Variants in TUBGCP3 observed in about 807,000 individuals in gnomAD.
TUBGCP3 encodes gamma-tubulin complex component 3.
TUBGCP3 carries 50 observed loss-of-function variants against 123.1 expected under a neutral mutation model. The observed-to-expected ratio is 0.41, with a 90% CI of 0.32 to 0.51. TUBGCP3 has a LOEUF of 0.51. Ranked by LOEUF, TUBGCP3 falls within the 20% of genes least tolerant of loss-of-function variation. The pLI is 0.36. For missense variants in TUBGCP3, 882 were observed against 1,127.0 expected (o/e 0.78, Z 3.11); for synonymous variants, 405 against 413.9 (o/e 0.98, Z 0.26).
At chr13:112,522,531 A>G (rs755197064) in intron 13 of TUBGCP3, 22 bp from the exon 14 acceptor site, 4 of 1,599,360 alleles carry the variant, frequency 2.5e-6, no homozygotes, top group Non-Finnish European at 3.4e-6. Flanking sequence ...AACAGGGAAG[A>G]GCACACATGC....
At chr13:112,547,386 C>A in intron 10 of TUBGCP3, 1 of 605,734 alleles carries the variant, frequency 1.7e-6, no homozygotes, top group Admixed American at 4.3e-5. Flanking sequence ...TCTTGGCTCC[C>A]ATCTGTCGAT....
At position 112,559,336 on chromosome 13, in the gene TUBGCP3, T is replaced by C. The variant is rs754594901; in HGVS notation, c.316A>G (p.Arg106Gly). The change falls in exon 4 of 22, where the codon AGG becomes GGG. Residue 106 changes from arginine to glycine, a missense_variant. By Grantham distance (125) the Arg-to-Gly change is moderately radical. Around this residue, in one of 3 missense-constraint regions of TUBGCP3, gnomAD observed 713 missense variants for 874.0 expected, o/e 0.82. Transcript: ENST00000261965. ...LLLSLSEDPR[R>G]QPSKVSSYAT... ...AAGCCACTTACCTTGCTTGGCTGCC[T>C]GCGTGGGTCCTCACTGAGGCTCAGC... 75 of 1,612,012 alleles carry C rather than the reference T, an allele frequency of 4.7e-5. No homozygotes were observed. The highest frequency in any genetic ancestry group is 6.2e-5 in the Non-Finnish European group (73 of 1,179,004).
At chr13:112,559,489 G>T in intron 3 of TUBGCP3, 90 bp from the exon 4 acceptor site, 1 of 1,051,166 alleles carries the variant, frequency 9.5e-7, no homozygotes. Context: ...TTCCAAACTA[G>T]AAATGCATTT....
Position 112,558,251 on chromosome 13 carries a change from T to C in TUBGCP3, c.493A>G (p.Ile165Val), listed in dbSNP as rs1312971770. 1.2e-6 allele frequency: 2 copies of C among 1,612,642 alleles called. No homozygotes were observed. The highest frequency in any genetic ancestry group is 1.7e-5 in the Admixed American group (1 of 60,032). ...GGGCCACTGAGGGCACACAGGCCAA[T>C]GCTGCTGATGCCACTGCTGCCCACG... ...GSVGSSGISS[I>V]GLCALSGPAP... Residue 165 changes from isoleucine (I) to valine (V), a missense_variant, in exon 5 of 22, where the codon ATT (isoleucine) becomes GTT (valine). Around this residue, in one of 3 missense-constraint regions of TUBGCP3, gnomAD observed 713 missense variants for 874.0 expected, o/e 0.82. Coordinates refer to ENST00000261965, the MANE Select transcript of TUBGCP3 (RefSeq NM_006322.6).
At chr13:112,570,137 C>T (rs1594216636) in intron 1 of TUBGCP3, among the ~76,000 whole-genome samples, 1 of 152,188 alleles carries the variant, frequency 6.6e-6, no homozygotes. Flanking sequence ...CGAGACCCGC[C>T]CAGCAAGCCT....
intron 17 of TUBGCP3, 126 bp from the exon 18 acceptor site, chr13:112,504,840 T>A: frequency 2.6e-6 from 2 of 762,816 alleles, no homozygotes; most frequent in Non-Finnish European, 4.4e-6. Context: ...CTTGACCCCT[T>A]AACAGGAAAC....
intron 21 of TUBGCP3, 65 bp downstream of exon 21, chr13:112,489,516 G>T: frequency 1.7e-6 from 2 of 1,155,534 alleles, no homozygotes; most frequent in East Asian, 2.3e-5. Flanking sequence ...CACTGTGAAA[G>T]CAACTGTCAG....
chr13:112,545,907 A>C lies in TUBGCP3; in HGVS notation c.1169-42T>G. ...AAAATACACAAAAACATCCACATTTACACTCATAGTACACACCAGTCACTT... is the reference window on the plus strand; with the variant it reads ...AAAATACACAAAAACATCCACATTTCCACTCATAGTACACACCAGTCACTT... On this transcript the variant is annotated intron_variant, in intron 10 of 21. Coordinates refer to ENST00000261965, the MANE Select transcript of TUBGCP3 (RefSeq NM_006322.6). This position sits in a 1 kb window ranked among gnomAD's most constrained non-coding sequence, Gnocchi z 4.1. 1.2e-6 allele frequency: 2 copies of C among 1,601,080 alleles called. No individual in the cohort carries two copies. Among genetic ancestry groups the C allele is most frequent in the Non-Finnish European group, 1.7e-6 (2 of 1,169,866 alleles).
intron 17 of TUBGCP3, among the ~76,000 whole-genome samples, chr13:112,515,460 C>T (rs531221070): frequency 2.6e-5 from 4 of 152,254 alleles, no homozygotes; most frequent in South Asian, 4.2e-4. Context: ...CAAGGGAATC[C>T]GCAACAGTGG....
intron 17 of TUBGCP3, among the ~76,000 whole-genome samples, chr13:112,514,947 T>C (rs1460407789): frequency 6.6e-6 from 1 of 152,170 alleles, no homozygotes; most frequent in Non-Finnish European, 1.5e-5. Flanking sequence ...TATCGTGCTA[T>C]TAAAAATGGT....
At position 112,507,232 on chromosome 13, in the gene TUBGCP3, C is replaced by T. The variant is rs140519412; in HGVS notation, c.2087-2518G>A. Among the ~76,000 whole-genome samples the T allele has an allele frequency of 7.2e-5, 11 of 152,296 alleles. No individual in the cohort carries two copies. In the East Asian group the frequency reaches 2.1e-3, roughly 29 times the overall value. ...CACATGCCACGACTCGCGGGTCTCA[C>T]CCTGACATCCGATGTCTCCATCGAC... is the stretch of plus-strand genomic sequence containing the variant. On this transcript the variant is annotated intron_variant, in intron 17 of 21. Transcript: ENST00000261965.
chr13:112,575,462 ACT>A (rs1396920870), intron 1 of TUBGCP3, among the ~76,000 whole-genome samples: 2 of 152,206 alleles, frequency 1.3e-5, no homozygotes, highest in Non-Finnish European at 2.9e-5. Flanking sequence ...CATGAAGCAA[ACT>A]CTAATAGAAC....
chr13:112,519,857 G>T lies in TUBGCP3; in HGVS notation c.1881+29C>A, dbSNP rs772300594. The T allele has an allele frequency of 6.2e-7, 1 of 1,603,896 alleles. No homozygotes were observed. The highest frequency in any genetic ancestry group is 1.3e-5 in the African/African-American group (1 of 74,586). ...CCCAGTGGGTCCTCGGTGCCGGGGC[G>T]GCGTTCCCAACACGCAGAGCCGCAG... On this transcript the variant is annotated intron_variant, in intron 15 of 21. Coordinates refer to ENST00000261965, the MANE Select transcript of TUBGCP3 (RefSeq NM_006322.6). This position sits in a 1 kb window ranked among gnomAD's most constrained non-coding sequence, Gnocchi z 6.2.
At chr13:112,559,674 C>A (rs967354579) in intron 3 of TUBGCP3, among the ~76,000 whole-genome samples, 7 of 152,172 alleles carry the variant, frequency 4.6e-5, no homozygotes, top group African/African-American at 1.7e-4. Context: ...TACCCTATTC[C>A]TGAATAACAG....
At chr13:112,526,232 CATCATTATCACT>C (rs918504207) in intron 13 of TUBGCP3, among the ~76,000 whole-genome samples, 1 of 150,608 alleles carries the variant, frequency 6.6e-6, no homozygotes, top group African/African-American at 2.4e-5. Context: ...CACCCATCCC[CATCATTATCACT>C]ATCATTACAC....
chr13:112,563,261 G>C (rs1002302473), intron 3 of TUBGCP3, among the ~76,000 whole-genome samples: 1 of 152,084 alleles, frequency 6.6e-6, no homozygotes. Flanking sequence ...ACCCACATAC[G>C]GGGCCCTAAC....
At chr13:112,497,664 C>T (rs923211863) in intron 20 of TUBGCP3, among the ~76,000 whole-genome samples, 16 of 152,212 alleles carry the variant, frequency 1.1e-4, no homozygotes, top group Admixed American at 1.0e-3. Context: ...ACAGAAACCT[C>T]AGTGGTACAG....
At chr13:112,542,736 GTAC>G (rs1231308509) in intron 11 of TUBGCP3, among the ~76,000 whole-genome samples, 1 of 152,116 alleles carries the variant, frequency 6.6e-6, no homozygotes, top group Non-Finnish European at 1.5e-5. Context: ...ACAATGATGG[GTAC>G]ACAATAGGGG....
intron 1 of TUBGCP3, among the ~76,000 whole-genome samples, chr13:112,585,499 C>A (rs1882544594): frequency 1.3e-5 from 2 of 152,174 alleles, no homozygotes; most frequent in Non-Finnish European, 2.9e-5. Flanking sequence ...GTGGCTCGTG[C>A]CTGTAATCCC....
Sources: allele counts gnomAD v4.1 joint callset (sites outside exome capture counted in the v4.1 genomes callset), GRCh38; gene constraint gnomAD v4.1.1; regional missense constraint gnomAD v4.1.1; non-coding constraint Gnocchi (gnomAD v3.1); transcripts MANE v1.5; gene names NCBI Gene and HGNC (gene_info 2026-07-23, HGNC 2026-07-21).